The following SLC1A2 variants were observed in gnomAD, a reference collection of about 807,000 sequenced individuals.
SLC1A2 encodes excitatory amino acid transporter 2.
In SLC1A2, 15 loss-of-function variants were observed where a neutral mutation model predicts 48.8. The observed-to-expected ratio is 0.31, with a 90% CI of 0.21 to 0.47. The LOEUF is 0.47. SLC1A2 is among the 20% of genes least tolerant of loss of function. The pLI, the probability that SLC1A2 is intolerant of heterozygous loss-of-function variation, is 0.99. For missense variants in SLC1A2, 502 were observed against 730.5 expected, an observed-to-expected ratio of 0.69 and a Z score of 3.61; for synonymous variants, 279 against 272.6, an observed-to-expected ratio of 1.02 and a Z score of -0.23.
chr11:35,378,873 G>A (rs1471959250), intron 1 of SLC1A2, among the ~76,000 whole-genome samples: 1 of 152,312 alleles, frequency 6.6e-6, no homozygotes, highest in East Asian at 1.9e-4. Context: ...TCATGGAAGG[G>A]GAAGGAGAAG....
rs543926285 is a variant in SLC1A2 at position 35,383,504 on chromosome 11, G to A, written c.17+35446C>T. ...ACTCTGGAGCTGACTGCTTAGGTTT[G>A]GATTCTGGTTCTGCTCCTCACTAGC... On this transcript the variant is annotated intron_variant, in intron 1 of 10. Coordinates refer to ENST00000278379, the MANE Select transcript of SLC1A2 (RefSeq NM_004171.4). 1.1e-4 allele frequency among the ~76,000 whole-genome samples: 16 copies of A among 152,274 alleles called. No individual in the cohort carries two copies. In the East Asian group the frequency reaches 3.1e-3, roughly 29 times the overall value.
intron 1 of SLC1A2, among the ~76,000 whole-genome samples, chr11:35,347,468 C>T (rs1368947686): frequency 6.6e-6 from 1 of 152,214 alleles, no homozygotes; most frequent in African/African-American, 2.4e-5. Context: ...ATAGTGGCTG[C>T]TGGAGCAATG....
chr11:35,332,117 C>T (rs1351539754), intron 1 of SLC1A2, among the ~76,000 whole-genome samples: 1 of 152,154 alleles, frequency 6.6e-6, no homozygotes, highest in Admixed American at 6.5e-5. Context: ...ACCTGAAGTC[C>T]ACCAGAAGCT....
chr11:35,251,418 C>T lies in SLC1A2; in HGVS notation c.*9476G>A, dbSNP rs1282560827. The T allele has an allele frequency of 6.6e-6, 1 of 152,614 alleles. No homozygotes were observed. Among genetic ancestry groups the T allele is most frequent in the African/African-American group, 2.4e-5 (1 of 41,446 alleles). 9.5% of individuals were successfully genotyped at this position (152,614 alleles called of 1,614,324 possible). On this transcript the variant is annotated 3_prime_UTR_variant, in exon 11 of 11. Coordinates refer to ENST00000278379, the MANE Select transcript of SLC1A2 (RefSeq NM_004171.4). ...AACTACCCAAAATGTGCTTCATCAA[C>T]AAGGCATTTTCTAGTAGCATATATG...
Position 35,267,041 on chromosome 11 carries a change from G to A in SLC1A2, c.1422-1283C>T, listed in dbSNP as rs182557192. Among the ~76,000 whole-genome samples the A allele has an allele frequency of 9.2e-5, 14 of 152,296 alleles. No individual in the cohort carries two copies. In the East Asian group the frequency reaches 2.7e-3, roughly 29 times the overall value. On this transcript the variant is annotated intron_variant, in intron 9 of 10. Transcript: ENST00000278379. ...CAGAGCTGGAGTTTAACTCTCAGGGGCATCTCTCCATCTGAGAATGCTCTT... is the reference window on the plus strand; with the variant it reads ...CAGAGCTGGAGTTTAACTCTCAGGGACATCTCTCCATCTGAGAATGCTCTT...
rs529779238 is a variant in SLC1A2, at chr11:35,251,245, A to G, written c.*9649T>C. On this transcript the variant is annotated 3_prime_UTR_variant, in exon 11 of 11. Coordinates refer to ENST00000278379, the MANE Select transcript of SLC1A2 (RefSeq NM_004171.4). ...ATTTATTGATGAGAGATATATACAC[A>G]AAAGTTAAAACACTTAGTGAAATAT... is the stretch of plus-strand genomic sequence containing the variant. 3.3e-5 allele frequency: 5 copies of G among 152,790 alleles called. No homozygotes were observed. The South Asian group carries it at 1.0e-3, about 32-fold the overall frequency. The allele number at this position is 152,790 out of a possible 1,614,324, so 9.5% of individuals were successfully genotyped here. A position where few individuals can be genotyped will look rare whatever the true frequency, so the allele number is the denominator to read the frequency against.
chr11:35,312,790 G>A (rs182775969), intron 3 of SLC1A2, among the ~76,000 whole-genome samples: 13 of 151,714 alleles, frequency 8.6e-5, no homozygotes, highest in African/African-American at 3.1e-4. Context: ...TTTTTAACTT[G>A]CATTATTTTG....
In SLC1A2 at chr11:35,280,979, C is replaced by A. The variant is rs374090482; in HGVS notation, c.1309G>T (p.Val437Phe). Residue 437 changes from valine (V) to phenylalanine (F), a missense_variant, in exon 9 of 11, where the codon GTC becomes TTC. Coordinates refer to ENST00000278379, the MANE Select transcript of SLC1A2 (RefSeq NM_004171.4). ...GCACTGGGGATACTGGCCGCGCCGA[C>A]GCTTGCCAGGGTGGCTGTGAGGCTA... The part of the protein sequence containing the change: ...TVSLTATLAS[V>F]GAASIPSAGL... The A allele has an allele frequency of 6.2e-7, 1 of 1,610,340 alleles. No individual in the cohort carries two copies. Among genetic ancestry groups the A allele is most frequent in the East Asian group, 2.2e-5 (1 of 44,482 alleles).
At chr11:35,395,641 C>T (rs114351014) in intron 1 of SLC1A2, among the ~76,000 whole-genome samples, 3,801 of 151,276 alleles carry the variant, frequency 0.025, 136 homozygotes, top group African/African-American at 0.085. Context: ...TGGGCTGCTA[C>T]GGACTGAATG....
chr11:35,390,341 C>T (rs1854724561), intron 1 of SLC1A2, among the ~76,000 whole-genome samples: 1 of 152,178 alleles, frequency 6.6e-6, no homozygotes. Context: ...GACCCATGTC[C>T]TTCCTACATG....
chr11:35,392,991 G>A (rs929604047), intron 1 of SLC1A2, among the ~76,000 whole-genome samples: 17 of 152,152 alleles, frequency 1.1e-4, no homozygotes, highest in African/African-American at 3.6e-4. Context: ...GATGACTATC[G>A]TTACAACCGT....
At chr11:35,277,886 C>T (rs1387007347) in intron 9 of SLC1A2, among the ~76,000 whole-genome samples, 1 of 152,158 alleles carries the variant, frequency 6.6e-6, no homozygotes, top group Non-Finnish European at 1.5e-5. Context: ...TCTTTATTTC[C>T]CTTTTGTCCC....
At chr11:35,330,860 G>A (rs1490764174) in intron 1 of SLC1A2, among the ~76,000 whole-genome samples, 2 of 152,204 alleles carry the variant, frequency 1.3e-5, no homozygotes, top group Non-Finnish European at 2.9e-5. Context: ...CTGACACCTT[G>A]ATTTTAGCCC....
Position 35,312,376 on chromosome 11 carries a change from G to A in SLC1A2, c.383C>T (p.Thr128Ile), listed in dbSNP as rs1851735113. 6.2e-7 allele frequency: 1 copy of A among 1,614,040 alleles called. No homozygotes were observed. The highest frequency in any genetic ancestry group is 1.7e-5 in the Admixed American group (1 of 60,004). ...GACCCCCAGTACTGCAGCAATGATG[G>A]TCGTGGACATGTAATACACCATGGC... ...TRAMVYYMST[T>I]IIAAVLGVIL... Residue 128 changes from threonine to isoleucine, a missense_variant, in exon 4 of 11, where the codon ACC (threonine) becomes ATC (isoleucine). Transcript: ENST00000278379.
At chr11:35,393,810 A>C (rs1286218649) in intron 1 of SLC1A2, among the ~76,000 whole-genome samples, 1 of 152,220 alleles carries the variant, frequency 6.6e-6, no homozygotes, top group African/African-American at 2.4e-5. Flanking sequence ...AAGTGTCTTA[A>C]TGGTGGTTTG....
chr11:35,273,675 T>C (rs900229452), intron 9 of SLC1A2, among the ~76,000 whole-genome samples: 1 of 152,160 alleles, frequency 6.6e-6, no homozygotes. Context: ...GAGGCTCCAT[T>C]GGGATTTCTT....
chr11:35,299,724 G>T (rs540935453), intron 6 of SLC1A2: 1 of 141,188 alleles, frequency 7.1e-6, no homozygotes, highest in Admixed American at 7.3e-5. Context: ...AAAAAGAACA[G>T]ATTTTTGCCC....
At chr11:35,317,604 C>CCTGG in intron 1 of SLC1A2, 88 bp from the exon 2 acceptor site, 2 of 1,460,214 alleles carry the variant, frequency 1.4e-6, no homozygotes, top group Non-Finnish European at 1.9e-6. Flanking sequence ...CCTCTCCAGG[C>CCTGG]ACAGTTGGAA....
rs188666767 is a variant in SLC1A2 at position 35,372,636 on chromosome 11, A to T, written c.17+46314T>A. 2.1e-3 allele frequency among the ~76,000 whole-genome samples: 324 copies of T among 152,342 alleles called. 1 individual carries two copies. Among genetic ancestry groups the T allele is most frequent in the African/African-American group, 7.4e-3 (306 of 41,564 alleles). The stretch of plus-strand genomic sequence containing the variant: ...TAGTAAGAATTATAATCAATAACTT[A>T]TTATTGTAGCAATAATTATCATCAA... On this transcript the variant is annotated intron_variant, in intron 1 of 10. Coordinates refer to ENST00000278379, the MANE Select transcript of SLC1A2 (RefSeq NM_004171.4).
Sources: allele counts gnomAD v4.1 joint callset (sites outside exome capture counted in the v4.1 genomes callset), GRCh38; gene constraint gnomAD v4.1.1; transcripts MANE v1.5; gene names NCBI Gene and HGNC (gene_info 2026-07-23, HGNC 2026-07-21).